Variants in SLC17A1 observed in about 807,000 individuals in gnomAD.
SLC17A1 encodes the protein sodium-dependent phosphate transport protein 1.
In SLC17A1, 51 loss-of-function variants were observed where a neutral mutation model predicts 53.5. The ratio of observed to expected loss-of-function variants is 0.95; its 90% confidence interval spans 0.76 to 1.20. The LOEUF is 1.20. Among genes scored for constraint, SLC17A1 ranks in the 50% most tolerant of loss-of-function variants. The pLI is 0.00. For synonymous variants in SLC17A1, 179 were observed against 198.8 expected (o/e 0.90, Z 0.84); for missense variants, 538 against 568.2 (o/e 0.95, Z 0.54).
chr6:25,774,160 G>A, the SLC17A1 span, among the ~76,000 whole-genome samples: 15,831 of 152,140 alleles, frequency 0.1, 1,042 homozygotes, highest in Middle Eastern at 0.16. Context: ...AGACATTTGC[G>A]GAGTAATGTT....
At chr6:25,789,846 A>G (rs1188429851) in intron 12 of SLC17A1, among the ~76,000 whole-genome samples, 3 of 152,216 alleles carry the variant, frequency 2.0e-5, no homozygotes, top group Middle Eastern at 6.3e-3. Context: ...TCACTGATAC[A>G]ATTGATGAAA....
At chr6:25,802,202 C>T (rs1161508803) in intron 10 of SLC17A1, among the ~76,000 whole-genome samples, 1 of 152,172 alleles carries the variant, frequency 6.6e-6, no homozygotes, top group African/African-American at 2.4e-5. Flanking sequence ...TCATTTTCTT[C>T]CACCTACGAG....
At chr6:25,803,558 T>C (rs1189779668) in intron 10 of SLC17A1, among the ~76,000 whole-genome samples, 1 of 152,154 alleles carries the variant, frequency 6.6e-6, no homozygotes, top group African/African-American at 2.4e-5. Flanking sequence ...AGAGGAGATA[T>C]AATATCTTGA....
chr6:25,804,870 C>G (rs956240421), intron 10 of SLC17A1, among the ~76,000 whole-genome samples: 1 of 151,942 alleles, frequency 6.6e-6, no homozygotes, highest in Middle Eastern at 3.2e-3. Context: ...CATTGGAGCT[C>G]CAAGATTTAT....
the SLC17A1 span, among the ~76,000 whole-genome samples, chr6:25,744,833 G>A: frequency 2.0e-5 from 3 of 152,102 alleles, no homozygotes; most frequent in African/African-American, 7.2e-5. Context: ...TAATAATGTA[G>A]ATTAAACTTA....
chr6:25,753,574 G>A, the SLC17A1 span, among the ~76,000 whole-genome samples: 1 of 152,050 alleles, frequency 6.6e-6, no homozygotes. Flanking sequence ...AAAAAATAAT[G>A]GAAAGAGATG....
chr6:25,821,988 A>C (rs1462688922), intron 3 of SLC17A1, among the ~76,000 whole-genome samples: 1 of 152,340 alleles, frequency 6.6e-6, no homozygotes, highest in East Asian at 1.9e-4. Context: ...AGAAATATAC[A>C]AATGTGTAAT....
intron 12 of SLC17A1, among the ~76,000 whole-genome samples, chr6:25,786,070 T>G (rs1763376636): frequency 6.6e-6 from 1 of 152,148 alleles, no homozygotes; most frequent in Admixed American, 6.5e-5. Context: ...TGTAAACAAC[T>G]CAAATGCTCC....
the SLC17A1 span, among the ~76,000 whole-genome samples, chr6:25,729,605 T>G: frequency 6.6e-6 from 1 of 152,240 alleles, no homozygotes; most frequent in Admixed American, 6.5e-5. Context: ...ATCATCTACC[T>G]TCATATATAT....
intron 6 of SLC17A1, among the ~76,000 whole-genome samples, chr6:25,816,769 G>T (rs1764371543): frequency 6.6e-6 from 1 of 152,198 alleles, no homozygotes; most frequent in East Asian, 1.9e-4. Context: ...CAGGGAAAGG[G>T]AATCATTTTA....
chr6:25,730,632 G>A, the SLC17A1 span, among the ~76,000 whole-genome samples: 1 of 152,148 alleles, frequency 6.6e-6, no homozygotes, highest in African/African-American at 2.4e-5. Context: ...AAAGAGTAGA[G>A]TTTAAGTGTT....
chr6:25,726,375 A>G, the SLC17A1 span: 6 of 1,614,140 alleles, frequency 3.7e-6, no homozygotes, highest in Admixed American at 1.7e-5. Flanking sequence ...CTGCCGCCAA[A>G]TACACTGGTG....
chr6:25,734,192 C>T, the SLC17A1 span, among the ~76,000 whole-genome samples: 2 of 151,968 alleles, frequency 1.3e-5, no homozygotes, highest in African/African-American at 4.8e-5. Flanking sequence ...AATATAAGAG[C>T]TATTTGTTGA....
the SLC17A1 span, chr6:25,770,580 C>A: frequency 9.7e-7 from 1 of 1,033,080 alleles, no homozygotes; most frequent in Non-Finnish European, 1.5e-6. Context: ...CTTCATAGTC[C>A]TTTCCTTAAA....
the SLC17A1 span, chr6:25,727,222 C>T: frequency 2.5e-6 from 4 of 1,613,840 alleles, no homozygotes; most frequent in Admixed American, 1.7e-5. Flanking sequence ...TTGCTACTGC[C>T]GGGAGAGCTG....
At chr6:25,773,785 A>G in the SLC17A1 span, 144,041 of 1,107,340 alleles carry the variant, frequency 0.13, 9,952 homozygotes, top group South Asian at 0.18. Context: ...GATTAGGACC[A>G]GGCAGGACCT....
chr6:25,726,561 A>C, the SLC17A1 span: 2 of 1,583,192 alleles, frequency 1.3e-6, no homozygotes, highest in Non-Finnish European at 1.7e-6. Context: ...CACGAGAACC[A>C]CATTTCTAGG....
chr6:25,814,983 TCACACAAACACACA>T (rs1376607788), intron 6 of SLC17A1, among the ~76,000 whole-genome samples: 3,640 of 140,524 alleles, frequency 0.026, 146 homozygotes, highest in African/African-American at 0.081. Flanking sequence ...CAAGACTCTG[TCACACAAACACACA>T]CACACACACA....
chr6:25,785,448 A>G (rs1445895790), intron 12 of SLC17A1, among the ~76,000 whole-genome samples: 1 of 152,146 alleles, frequency 6.6e-6, no homozygotes, highest in African/African-American at 2.4e-5. Flanking sequence ...ACAAGCAATA[A>G]AAGAAAAAAT....
Sources: gnomAD v4.1 joint callset for allele counts (sites outside exome capture counted in the v4.1 genomes callset) on GRCh38, gnomAD v4.1.1 for gene constraint, MANE v1.5 for transcripts, NCBI Gene and HGNC (gene_info 2026-07-23, HGNC 2026-07-21) for gene names.